The following OR6C65 variants were observed in gnomAD, a reference collection of about 807,000 sequenced individuals.
OR6C65 encodes olfactory receptor family 6 subfamily C member 65, also known as olfactory receptor 6C65.
For missense variants in OR6C65, 379 were observed against 366.2 expected, an observed-to-expected ratio of 1.03 and a Z score of -0.29; for synonymous variants, 126 against 127.5, an observed-to-expected ratio of 0.99 and a Z score of 0.08.
In OR6C65 at chr12:55,400,825, AT is replaced by A. The variant is rs753853776; in HGVS notation, c.305del (p.Leu102Ter). On this transcript the variant is annotated frameshift_variant, in exon 1 of 1. Transcript: ENST00000379665. LOFTEE classifies it low-confidence loss of function (END_TRUNC). ...ISYNASMAQV[F>X]FLILLGSTEF... ...CCTATAATGCTTCCATGGCCCAAGT[AT>A]TTTTTTTAATTCTTTTGGGATCAAC... 3 of 1,610,870 alleles carry A rather than the reference AT, an allele frequency of 1.9e-6. No homozygotes were observed. Among genetic ancestry groups the A allele is most frequent in the Admixed American group, 3.4e-5 (2 of 59,552 alleles).
In OR6C65 at chr12:55,401,232, C is replaced by T. The variant is rs757417345; in HGVS notation, c.704C>T (p.Ala235Val). The T allele has an allele frequency of 6.2e-7, 1 of 1,614,034 alleles. No individual in the cohort carries two copies. Among genetic ancestry groups the T allele is most frequent in the South Asian group, 1.1e-5 (1 of 91,066 alleles). ...KIPSAQQRKK[A>V]FSTCSSHMIV... The stretch of plus-strand genomic sequence containing the variant: ...CCCTCTGCCCAGCAAAGGAAAAAGG[C>T]TTTTTCAACTTGTTCCTCCCATATG... Residue 235 changes from alanine (A) to valine (V), a missense_variant, in exon 1 of 1, where the codon GCT becomes GTT. Physicochemically the swap from Ala to Val is moderately conservative, Grantham distance 64. Transcript: ENST00000379665.
Position 55,401,293 on chromosome 12 carries a change from T to C in OR6C65, c.765T>C (p.Phe255=). 2 of 1,614,178 alleles carry C rather than the reference T, an allele frequency of 1.2e-6. No individual in the cohort carries two copies. The highest frequency in any genetic ancestry group is 1.3e-5 in the African/African-American group (1 of 75,052). ...VVSVSYGSCI[F]MCVKTSAKEG... is the part of the protein sequence containing the mutation. ...CTGTTTCTTATGGGAGTTGCATTTT[T>C]ATGTGTGTAAAAACATCTGCAAAAG... The change falls in exon 1 of 1, where the codon TTT becomes TTC. Residue 255 remains phenylalanine (F), a synonymous_variant. Transcript: ENST00000379665.
In OR6C65 at chr12:55,400,539, T is replaced by C. The variant is rs538666867; in HGVS notation, c.11T>C (p.Met4Thr). 3.1e-5 allele frequency: 48 copies of C among 1,524,470 alleles called. No homozygotes were observed. The highest frequency in any genetic ancestry group is 3.8e-5 in the Non-Finnish European group (43 of 1,135,796). The allele number at this position is 1,524,470 out of a possible 1,614,324, so 94.4% of individuals were successfully genotyped here. ...ATTCAGAACTAAGCCATGCCAAATA[T>C]GACATCAATTAGAGAATTCATTCTT... Reference protein sequence around the residue: MPNMTSIREFILLG... With the variant: MPNTTSIREFILLG... Residue 4 changes from methionine to threonine, a missense_variant, in exon 1 of 1, where the codon ATG (methionine) becomes ACG (threonine). Coordinates refer to ENST00000379665, the MANE Select transcript of OR6C65 (RefSeq NM_001005518.1).
In OR6C65 at chr12:55,400,682, C is replaced by T; in HGVS notation, c.154C>T (p.His52Tyr). The part of the protein sequence containing the change: ...IIIMLTLSNI[H>Y]LKTPMYFFLR... Reference sequence around the variant, plus strand: ...CATTATGTTAACATTGTCAAATATTCATTTGAAAACTCCTATGTATTTCTT... The same window carrying T: ...CATTATGTTAACATTGTCAAATATTTATTTGAAAACTCCTATGTATTTCTT... The change falls in exon 1 of 1, where the codon CAT (histidine) becomes TAT (tyrosine). Residue 52 changes from histidine (H) to tyrosine (Y), a missense_variant. Transcript: ENST00000379665. The T allele has an allele frequency of 6.2e-7, 1 of 1,602,678 alleles. No individual in the cohort carries two copies. Among genetic ancestry groups the T allele is most frequent in the Non-Finnish European group, 8.5e-7 (1 of 1,170,702 alleles).
At position 55,401,162 on chromosome 12, in the gene OR6C65, G is replaced by C. The variant is rs1201231207; in HGVS notation, c.634G>C (p.Val212Leu). Residue 212 changes from valine to leucine, a missense_variant, in exon 1 of 1, where the codon GTG becomes CTG. Transcript: ENST00000379665. ...CACACTCATGGTAACTTTGGCCTTG[G>C]TGGTTCTCTCCTACACACTCATCCT... Reference protein sequence around the residue: ...VFTLMVTLALVVLSYTLILKT... With the variant: ...VFTLMVTLALLVLSYTLILKT... The C allele has an allele frequency of 6.2e-7, 1 of 1,614,070 alleles. No individual in the cohort carries two copies. The highest frequency in any genetic ancestry group is 8.5e-7 in the Non-Finnish European group (1 of 1,180,010).
rs1870476500 is a variant in OR6C65 at position 55,400,655 on chromosome 12, A to G, written c.127A>G (p.Ile43Val). 2 of 1,603,764 alleles carry G rather than the reference A, an allele frequency of 1.2e-6. No homozygotes were observed. Among genetic ancestry groups the G allele is most frequent in the Non-Finnish European group, 1.7e-6 (2 of 1,171,532 alleles). Residue 43 changes from isoleucine (I) to valine (V), a missense_variant, in exon 1 of 1, where the codon ATC (isoleucine) becomes GTC (valine). Coordinates refer to ENST00000379665, the MANE Select transcript of OR6C65 (RefSeq NM_001005518.1). ...YLLSVSGNMI[I>V]IMLTLSNIHL... is the part of the protein sequence containing the mutation. ...ATTGAGTGTAAGTGGAAACATGATC[A>G]TCATTATGTTAACATTGTCAAATAT...
rs757254424 is a variant in OR6C65, at chr12:55,401,341, T to G, written c.813T>G (p.Gly271=). The G allele has an allele frequency of 6.2e-7, 1 of 1,614,042 alleles. No individual in the cohort carries two copies. The highest frequency in any genetic ancestry group is 1.3e-5 in the African/African-American group (1 of 75,052). The change falls in exon 1 of 1, where the codon GGT becomes GGG. Residue 271 remains glycine, a synonymous_variant. Transcript: ENST00000379665. The part of the protein sequence containing the change: ...SAKEGMALSK[G]VAVLNTSVAP... Reference sequence around the variant, plus strand: ...AAGAAGGTATGGCTTTGAGCAAAGGTGTAGCAGTGCTTAATACCTCTGTTG... The same window carrying G: ...AAGAAGGTATGGCTTTGAGCAAAGGGGTAGCAGTGCTTAATACCTCTGTTG...
rs776970420 is a variant in OR6C65 at position 55,401,294 on chromosome 12, A to G, written c.766A>G (p.Met256Val). ...VSVSYGSCIFMCVKTSAKEGM... is the reference protein window; with the variant it reads ...VSVSYGSCIFVCVKTSAKEGM... ...TGTTTCTTATGGGAGTTGCATTTTT[A>G]TGTGTGTAAAAACATCTGCAAAAGA... Residue 256 changes from methionine to valine, a missense_variant, in exon 1 of 1, where the codon ATG (methionine) becomes GTG (valine). Met to Val is a conservative substitution (Grantham distance 21). Transcript: ENST00000379665. The G allele has an allele frequency of 6.2e-7, 1 of 1,614,082 alleles. No individual in the cohort carries two copies. The highest frequency in any genetic ancestry group is 1.1e-5 in the South Asian group (1 of 91,064).
rs981047605 is a variant in OR6C65, at chr12:55,401,308, A to G, written c.780A>G (p.Thr260=). Residue 260 remains threonine, a synonymous_variant, in exon 1 of 1, where the codon ACA becomes ACG. Transcript: ENST00000379665. ...GTTGCATTTTTATGTGTGTAAAAAC[A>G]TCTGCAAAAGAAGGTATGGCTTTGA... ...YGSCIFMCVK[T]SAKEGMALSK... The G allele has an allele frequency of 8.1e-6, 13 of 1,614,162 alleles. No homozygotes were observed. The highest frequency in any genetic ancestry group is 1.1e-5 in the Non-Finnish European group (13 of 1,180,012).
Position 55,401,388 on chromosome 12 carries a change from T to C in OR6C65, c.860T>C (p.Ile287Thr), listed in dbSNP as rs372659272. Residue 287 changes from isoleucine to threonine, a missense_variant, in exon 1 of 1, where the codon ATT (isoleucine) becomes ACT (threonine). Transcript: ENST00000379665. The part of the protein sequence containing the change: ...TSVAPMLNPF[I>T]YTLRNQQVKQ... ...GTTGCTCCTATGTTGAATCCCTTTATTTATACCTTAAGAAACCAGCAGGTG... is the reference window on the plus strand; with the variant it reads ...GTTGCTCCTATGTTGAATCCCTTTACTTATACCTTAAGAAACCAGCAGGTG... 20 of 1,613,104 alleles carry C rather than the reference T, an allele frequency of 1.2e-5. No homozygotes were observed. The African/African-American group carries it at 2.4e-4, about 19-fold the overall frequency.
rs201811641 is a variant in OR6C65, at chr12:55,401,215, C to A, written c.687C>A (p.Ala229=). Residue 229 remains alanine, a synonymous_variant, in exon 1 of 1, where the codon GCC becomes GCA. Transcript: ENST00000379665. ...AAACAATTCTGAAGATTCCCTCTGC[C>A]CAGCAAAGGAAAAAGGCTTTTTCAA... ...ILKTILKIPS[A]QQRKKAFSTC... 465 of 1,613,776 alleles carry A rather than the reference C, an allele frequency of 2.9e-4. 1 individual carries two copies. The highest frequency in any genetic ancestry group is 2.3e-4 in the Admixed American group (14 of 59,980).
In OR6C65 at chr12:55,401,340, G is replaced by A. The variant is rs139289386; in HGVS notation, c.812G>A (p.Gly271Asp). The change falls in exon 1 of 1, where the codon GGT becomes GAT. Residue 271 changes from glycine (G) to aspartate (D), a missense_variant. Transcript: ENST00000379665. The part of the protein sequence containing the change: ...SAKEGMALSK[G>D]VAVLNTSVAP... ...AAAGAAGGTATGGCTTTGAGCAAAGGTGTAGCAGTGCTTAATACCTCTGTT... is the reference window on the plus strand; with the variant it reads ...AAAGAAGGTATGGCTTTGAGCAAAGATGTAGCAGTGCTTAATACCTCTGTT... 7 of 1,613,968 alleles carry A rather than the reference G, an allele frequency of 4.3e-6. No homozygotes were observed. The South Asian group carries it at 4.4e-5, about 10-fold the overall frequency.
Position 55,400,986 on chromosome 12 carries a change from T to C in OR6C65, c.458T>C (p.Ile153Thr). The C allele has an allele frequency of 6.2e-7, 1 of 1,614,180 alleles. No homozygotes were observed. The highest frequency in any genetic ancestry group is 8.5e-7 in the Non-Finnish European group (1 of 1,180,014). Residue 153 changes from isoleucine to threonine, a missense_variant, in exon 1 of 1, where the codon ATT (isoleucine) becomes ACT (threonine). By Grantham distance (89) the Ile-to-Thr change is moderately conservative (BLOSUM62 -1). Transcript: ENST00000379665. ...AGCTCCTGGCTGGCTGGTTTTCTCA[T>C]TATTTTTCCCCCCGTGATTATGGGC... is the stretch of plus-strand genomic sequence containing the variant. Reference protein sequence around the residue: ...VISSWLAGFLIIFPPVIMGLQ... With the variant: ...VISSWLAGFLTIFPPVIMGLQ...
rs970262942 is a variant in OR6C65 at position 55,400,944 on chromosome 12, G to T, written c.416G>T (p.Cys139Phe). 6.2e-7 allele frequency: 1 copy of T among 1,613,984 alleles called. No individual in the cohort carries two copies. Among genetic ancestry groups the T allele is most frequent in the Non-Finnish European group, 8.5e-7 (1 of 1,180,012 alleles). Reference sequence around the variant, plus strand: ...ACAACCATCATGAGTAACAAAGTCTGTAATTGGCTTGTAATCAGCTCCTGG... The same window carrying T: ...ACAACCATCATGAGTAACAAAGTCTTTAATTGGCTTGTAATCAGCTCCTGG... ...HYTTIMSNKV[C>F]NWLVISSWLA... The change falls in exon 1 of 1, where the codon TGT (cysteine) becomes TTT (phenylalanine). Residue 139 changes from cysteine to phenylalanine, a missense_variant. Cys to Phe is a radical substitution (Grantham distance 205). Transcript: ENST00000379665.
Position 55,400,570 on chromosome 12 carries a change from A to T in OR6C65, c.42A>T (p.Gly14=). The change falls in exon 1 of 1, where the codon GGA becomes GGT. Residue 14 remains glycine (G), a synonymous_variant. Transcript: ENST00000379665. Reference sequence around the variant, plus strand: ...CAATTAGAGAATTCATTCTTCTGGGATTTACAGATAACCCAGAGTTACAAG... The same window carrying T: ...CAATTAGAGAATTCATTCTTCTGGGTTTTACAGATAACCCAGAGTTACAAG... The part of the protein sequence containing the change: ...MTSIREFILL[G]FTDNPELQVV... 3 of 1,557,202 alleles carry T rather than the reference A, an allele frequency of 1.9e-6. No individual in the cohort carries two copies. The highest frequency in any genetic ancestry group is 2.6e-6 in the Non-Finnish European group (3 of 1,152,432).
In OR6C65 at chr12:55,400,659, T is replaced by A. The variant is rs772661526; in HGVS notation, c.131T>A (p.Ile44Asn). 1.9e-6 allele frequency: 3 copies of A among 1,603,926 alleles called. No individual in the cohort carries two copies. In the South Asian group the frequency reaches 3.3e-5, roughly 18 times the overall value. The stretch of plus-strand genomic sequence containing the variant: ...AGTGTAAGTGGAAACATGATCATCA[T>A]TATGTTAACATTGTCAAATATTCAT... ...LLSVSGNMII[I>N]MLTLSNIHLK... Residue 44 changes from isoleucine to asparagine, a missense_variant, in exon 1 of 1, where the codon ATT becomes AAT. Coordinates refer to ENST00000379665, the MANE Select transcript of OR6C65 (RefSeq NM_001005518.1).
In OR6C65 at chr12:55,401,231, G is replaced by A; in HGVS notation, c.703G>A (p.Ala235Thr). The part of the protein sequence containing the change: ...KIPSAQQRKK[A>T]FSTCSSHMIV... The stretch of plus-strand genomic sequence containing the variant: ...TCCCTCTGCCCAGCAAAGGAAAAAG[G>A]CTTTTTCAACTTGTTCCTCCCATAT... The change falls in exon 1 of 1, where the codon GCT becomes ACT. Residue 235 changes from alanine to threonine, a missense_variant. By Grantham distance (58) the Ala-to-Thr change is moderately conservative (BLOSUM62 0). Transcript: ENST00000379665. 6.2e-7 allele frequency: 1 copy of A among 1,613,996 alleles called. No homozygotes were observed. The highest frequency in any genetic ancestry group is 8.5e-7 in the Non-Finnish European group (1 of 1,179,932).
rs1870475291 is a variant in OR6C65, at chr12:55,400,611, T to A, written c.83T>A (p.Phe28Tyr). 9.5e-6 allele frequency: 15 copies of A among 1,586,766 alleles called. No individual in the cohort carries two copies. Among genetic ancestry groups the A allele is most frequent in the Admixed American group, 1.7e-5 (1 of 57,280 alleles). Residue 28 changes from phenylalanine to tyrosine, a missense_variant, in exon 1 of 1, where the codon TTT (phenylalanine) becomes TAT (tyrosine). Physicochemically the swap from Phe to Tyr is conservative, Grantham distance 22. Coordinates refer to ENST00000379665, the MANE Select transcript of OR6C65 (RefSeq NM_001005518.1). ...NPELQVVIFF[F>Y]MLITYLLSVS... Reference sequence around the variant, plus strand: ...GAGTTACAAGTTGTGATATTCTTCTTTATGTTGATCACATACTTATTGAGT... The same window carrying A: ...GAGTTACAAGTTGTGATATTCTTCTATATGTTGATCACATACTTATTGAGT...
Position 55,401,187 on chromosome 12 carries a change from T to C in OR6C65, c.659T>C (p.Leu220Pro), listed in dbSNP as rs1410868939. ...ALVVLSYTLI[L>P]KTILKIPSAQ... Reference sequence around the variant, plus strand: ...GTGGTTCTCTCCTACACACTCATCCTTAAAACAATTCTGAAGATTCCCTCT... The same window carrying C: ...GTGGTTCTCTCCTACACACTCATCCCTAAAACAATTCTGAAGATTCCCTCT... Residue 220 changes from leucine to proline, a missense_variant, in exon 1 of 1, where the codon CTT becomes CCT. Transcript: ENST00000379665. 3 of 1,614,046 alleles carry C rather than the reference T, an allele frequency of 1.9e-6. No individual in the cohort carries two copies. Among genetic ancestry groups the C allele is most frequent in the Admixed American group, 1.7e-5 (1 of 59,998 alleles).
Sources: allele counts gnomAD v4.1 joint callset, GRCh38; gene constraint gnomAD v4.1.1; transcripts MANE v1.5; gene names NCBI Gene and HGNC (gene_info 2026-07-23, HGNC 2026-07-21).